The following ADGRB3 variants were observed in gnomAD, a reference collection of about 807,000 sequenced individuals.
ADGRB3 encodes the protein brain-specific angiogenesis inhibitor 3.
In ADGRB3, 37 loss-of-function variants were observed where a neutral mutation model predicts 193.4. The ratio of observed to expected loss-of-function variants is 0.19; its 90% CI spans 0.15 to 0.25. ADGRB3 has a LOEUF of 0.25. Among genes scored for constraint, ADGRB3 ranks in the 10% least tolerant of loss-of-function variants. The probability of loss-of-function intolerance (pLI) is 1.00; values close to 1 mark genes in which losing one functional copy is unlikely to be tolerated. For missense variants in ADGRB3, 1,637 were observed against 1,852.9 expected (o/e 0.88, Z 2.14); for synonymous variants, 690 against 644.2 (o/e 1.07, Z -1.08).
chr6:69,172,679 TAAAG>T (rs1200656032), intron 17 of ADGRB3, among the ~76,000 whole-genome samples: 3 of 82,216 alleles, frequency 3.6e-5, no homozygotes, highest in Non-Finnish European at 5.0e-5. Flanking sequence ...AAAAGAGAAA[TAAAG>T]AAAAAGAAAA....
At chr6:68,852,674 AG>A (rs1768430029) in intron 3 of ADGRB3, among the ~76,000 whole-genome samples, 1 of 152,044 alleles carries the variant, frequency 6.6e-6, no homozygotes, top group Admixed American at 6.6e-5. Flanking sequence ...TCTAGGAGGA[AG>A]AAAAAAGCTA....
intron 20 of ADGRB3, among the ~76,000 whole-genome samples, chr6:69,320,594 G>C (rs1768428190): frequency 1.3e-5 from 2 of 151,690 alleles, no homozygotes; most frequent in East Asian, 3.9e-4. Flanking sequence ...CTTGAACAGT[G>C]GCTTGGCTGG....
intron 3 of ADGRB3, among the ~76,000 whole-genome samples, chr6:68,731,288 T>A (rs1765770128): frequency 6.6e-6 from 1 of 151,614 alleles, no homozygotes; most frequent in Admixed American, 6.6e-5. Context: ...AATTATATAT[T>A]GTAAACATTT....
At chr6:69,374,394 C>T (rs979831501) in intron 30 of ADGRB3, among the ~76,000 whole-genome samples, 2 of 152,036 alleles carry the variant, frequency 1.3e-5, no homozygotes, top group Admixed American at 1.3e-4. Flanking sequence ...AAATTTGTAT[C>T]AAGCTCCCTG....
At position 69,351,500 on chromosome 6, in the gene ADGRB3, G is replaced by T. The variant is rs1390074647; in HGVS notation, c.3460-2733G>T. Reference sequence around the variant, plus strand: ...ATTAGAGGTATCAGAGGCACTAAAAGTGTCAGAGAATCTAGCACTTAAATT... The same window carrying T: ...ATTAGAGGTATCAGAGGCACTAAAATTGTCAGAGAATCTAGCACTTAAATT... On this transcript the variant is annotated intron_variant, in intron 26 of 31. Coordinates refer to ENST00000370598, the MANE Select transcript of ADGRB3 (RefSeq NM_001704.3). Among the ~76,000 whole-genome samples the T allele has an allele frequency of 2.6e-5, 4 of 152,290 alleles. No homozygotes were observed. In the South Asian group the frequency reaches 8.3e-4, roughly 32 times the overall value.
rs537230032 is a variant in ADGRB3 at position 69,269,643 on chromosome 6, G to A, written c.2814+30417G>A. ...TTTACATTTCAAATAAAATAATATC[G>A]TGACTGATGTGCCCACAGCAATAAT... On this transcript the variant is annotated intron_variant, in intron 20 of 31. Coordinates refer to ENST00000370598, the MANE Select transcript of ADGRB3 (RefSeq NM_001704.3). Among the ~76,000 whole-genome samples the A allele has an allele frequency of 6.6e-5, 10 of 152,088 alleles. No homozygotes were observed. The East Asian group carries it at 9.6e-4, about 15-fold the overall frequency.
intron 20 of ADGRB3, among the ~76,000 whole-genome samples, chr6:69,269,040 A>T (rs1349128295): frequency 6.6e-6 from 1 of 152,156 alleles, no homozygotes; most frequent in Non-Finnish European, 1.5e-5. Context: ...TTTGTGCAAG[A>T]CACTATACTA....
At chr6:69,028,845 T>A (rs117271109) in intron 13 of ADGRB3, among the ~76,000 whole-genome samples, 5,895 of 152,264 alleles carry the variant, frequency 0.039, 136 homozygotes, top group Middle Eastern at 0.065. Flanking sequence ...TTTTTATTTG[T>A]TTTTTCCCCT....
rs763693555 is a variant in ADGRB3 at position 69,018,515 on chromosome 6, T to C, written c.2107+16T>C. 2 of 1,551,526 alleles carry C rather than the reference T, an allele frequency of 1.3e-6. No individual in the cohort carries two copies. Among genetic ancestry groups the C allele is most frequent in the Admixed American group, 1.7e-5 (1 of 57,422 alleles). The stretch of plus-strand genomic sequence containing the variant: ...GGAAATGTAGGTAAGAAATAGGATT[T>C]TCCCCCAAAATCTTTCTGAAATAAA... On this transcript the variant is annotated intron_variant, in intron 13 of 31. Coordinates refer to ENST00000370598, the MANE Select transcript of ADGRB3 (RefSeq NM_001704.3).
chr6:68,956,172 T>C lies in ADGRB3; in HGVS notation c.1344T>C (p.Tyr448=). Residue 448 remains tyrosine (Y), a synonymous_variant, in exon 7 of 32, where the codon TAT becomes TAC. Transcript: ENST00000370598. ...CATGGGCAGAAAGCAGAGAGTGCTA[T>C]AACCCTGAATGTACAGGTAGGGCTT... ...RGPWAESREC[Y]NPECTANGQW... The C allele has an allele frequency of 1.2e-6, 2 of 1,612,356 alleles. No homozygotes were observed. Among genetic ancestry groups the C allele is most frequent in the South Asian group, 2.2e-5 (2 of 90,822 alleles).
chr6:69,289,809 C>T (rs1325969961), intron 20 of ADGRB3, among the ~76,000 whole-genome samples: 4 of 151,682 alleles, frequency 2.6e-5, no homozygotes, highest in Non-Finnish European at 5.9e-5. Context: ...GTGTTCATCA[C>T]CGACTAAGGT....
At chr6:69,076,752 T>G (rs1772244481) in intron 17 of ADGRB3, among the ~76,000 whole-genome samples, 1 of 152,030 alleles carries the variant, frequency 6.6e-6, no homozygotes. Flanking sequence ...AACTTTTATT[T>G]TTTTGCTTGG....
intron 22 of ADGRB3, among the ~76,000 whole-genome samples, chr6:69,328,373 T>G (rs2127311700): frequency 6.6e-6 from 1 of 152,284 alleles, no homozygotes; most frequent in South Asian, 2.1e-4. Flanking sequence ...AGAAAATACT[T>G]GGACCGTGGA....
At chr6:69,279,240 C>T (rs1489603826) in intron 20 of ADGRB3, among the ~76,000 whole-genome samples, 1 of 151,446 alleles carries the variant, frequency 6.6e-6, no homozygotes, top group Non-Finnish European at 1.5e-5. Flanking sequence ...ACCTAGCCTA[C>T]CTTAAACGTG....
intron 17 of ADGRB3, among the ~76,000 whole-genome samples, chr6:69,134,749 A>G (rs1200623606): frequency 3.3e-5 from 5 of 151,864 alleles, no homozygotes; most frequent in South Asian, 2.1e-4. Flanking sequence ...GTATATATGT[A>G]TGGTGTGTGT....
intron 17 of ADGRB3, among the ~76,000 whole-genome samples, chr6:69,194,073 T>C (rs1283703247): frequency 6.6e-6 from 1 of 152,074 alleles, no homozygotes. Context: ...AACTAGTGAG[T>C]TCCATTTCAG....
intron 17 of ADGRB3, among the ~76,000 whole-genome samples, chr6:69,132,878 C>T (rs181244929): frequency 6.6e-6 from 1 of 152,062 alleles, no homozygotes; most frequent in Admixed American, 6.6e-5. Flanking sequence ...TTTATTAAAT[C>T]GGGAATCCTT....
rs138154285 is a variant in ADGRB3 at position 68,775,296 on chromosome 6, A to G, written c.757+135864A>G. 1.0e-3 allele frequency among the ~76,000 whole-genome samples: 159 copies of G among 152,206 alleles called. 1 individual carries two copies. Among genetic ancestry groups the G allele is most frequent in the African/African-American group, 3.7e-3 (152 of 41,548 alleles). On this transcript the variant is annotated intron_variant, in intron 3 of 31. Transcript: ENST00000370598. ...AGGCAGGAAAAGTTAACATGAGTGA[A>G]CACTACCGGCTAGCTAAGGAACAGC...
intron 10 of ADGRB3, among the ~76,000 whole-genome samples, chr6:68,981,540 G>C (rs1169411164): frequency 6.6e-6 from 1 of 151,540 alleles, no homozygotes; most frequent in Non-Finnish European, 1.5e-5. Flanking sequence ...TGTATTATAA[G>C]TCTAGAACAG....
Sources: gnomAD v4.1 joint callset for allele counts (sites outside exome capture counted in the v4.1 genomes callset) on GRCh38, gnomAD v4.1.1 for gene constraint, MANE v1.5 for transcripts, NCBI Gene and HGNC (gene_info 2026-07-23, HGNC 2026-07-21) for gene names.